The following CHSY3 variants were observed in gnomAD, a reference collection of about 807,000 sequenced individuals.
CHSY3 encodes the protein N-acetylgalactosaminyl-proteoglycan 3-beta-glucuronosyltransferase 3.
CHSY3 carries 35 observed loss-of-function variants against 67.2 expected under a neutral mutation model. The observed-to-expected ratio is 0.52, with a 90% confidence interval of 0.40 to 0.69. The LOEUF is 0.69. Among genes scored for constraint, CHSY3 ranks in the 30% least tolerant of loss-of-function variants. CHSY3 has a pLI of 0.00. For missense variants in CHSY3, 1,069 were observed against 1,138.5 expected (o/e 0.94, Z 0.88); for synonymous variants, 474 against 434.7 (o/e 1.09, Z -1.12).
intron 2 of CHSY3, among the ~76,000 whole-genome samples, chr5:130,160,406 C>T (rs1769496310): frequency 6.6e-6 from 1 of 152,168 alleles, no homozygotes; most frequent in Non-Finnish European, 1.5e-5. Context: ...CTATCAAAGG[C>T]CCATTCATTT....
At chr5:130,042,971 A>G (rs1481729473) in intron 2 of CHSY3, among the ~76,000 whole-genome samples, 1 of 152,152 alleles carries the variant, frequency 6.6e-6, no homozygotes, top group Non-Finnish European at 1.5e-5. Flanking sequence ...AAGTTGGGTC[A>G]TAGGCAGTTA....
At chr5:130,146,033 C>T (rs1326408437) in intron 2 of CHSY3, among the ~76,000 whole-genome samples, 1 of 152,106 alleles carries the variant, frequency 6.6e-6, no homozygotes, top group Non-Finnish European at 1.5e-5. Flanking sequence ...TTATGGATAA[C>T]AGTATGGAGA....
chr5:129,980,050 T>TA (rs1247357489), intron 2 of CHSY3, among the ~76,000 whole-genome samples: 1 of 152,250 alleles, frequency 6.6e-6, no homozygotes, highest in Non-Finnish European at 1.5e-5. Flanking sequence ...AAAGCTGCTG[T>TA]AATCATCATT....
chr5:130,097,196 C>T (rs1474928229), intron 2 of CHSY3, among the ~76,000 whole-genome samples: 1 of 152,198 alleles, frequency 6.6e-6, no homozygotes, highest in Non-Finnish European at 1.5e-5. Flanking sequence ...ATCGCCCCTC[C>T]AGGGCCCCTA....
chr5:129,970,428 AGATAGAT>A (rs1762606730), intron 2 of CHSY3, among the ~76,000 whole-genome samples: 1 of 151,528 alleles, frequency 6.6e-6, no homozygotes, highest in South Asian at 2.1e-4. Context: ...ATAGATAGAT[AGATAGAT>A]AGATAGATAG....
At chr5:130,036,965 AAAG>A (rs1364720436) in intron 2 of CHSY3, among the ~76,000 whole-genome samples, 1 of 152,148 alleles carries the variant, frequency 6.6e-6, no homozygotes. Context: ...AAAGATACTA[AAAG>A]AAGAAACAGA....
At chr5:130,000,200 T>C (rs1177011650) in intron 2 of CHSY3, among the ~76,000 whole-genome samples, 1 of 152,246 alleles carries the variant, frequency 6.6e-6, no homozygotes, top group Non-Finnish European at 1.5e-5. Flanking sequence ...GATAGGGACA[T>C]GCTAAGCATG....
intron 2 of CHSY3, among the ~76,000 whole-genome samples, chr5:130,063,825 CT>C (rs1765791299): frequency 6.6e-6 from 1 of 152,050 alleles, no homozygotes; most frequent in African/African-American, 2.4e-5. Context: ...TGTGGAGCCT[CT>C]TTTATCTGGG....
intron 2 of CHSY3, among the ~76,000 whole-genome samples, chr5:129,936,857 A>T (rs1761509579): frequency 6.6e-6 from 1 of 152,078 alleles, no homozygotes; most frequent in Non-Finnish European, 1.5e-5. Flanking sequence ...TCCCTTTGGC[A>T]TTCCTTATAC....
At chr5:129,983,619 C>A (rs1020307225) in intron 2 of CHSY3, among the ~76,000 whole-genome samples, 2 of 152,020 alleles carry the variant, frequency 1.3e-5, no homozygotes, top group Admixed American at 1.3e-4. Context: ...TATGGAGCAC[C>A]AACTACATGG....
Position 130,100,417 on chromosome 5 carries a change from G to T in CHSY3, c.1087-83812G>T, listed in dbSNP as rs185256634. ...TCACCGTGTTAGCCAGGATGGTCTCGATCTCCTGACCTTGTGATCCGCCCG... is the reference window on the plus strand; with the variant it reads ...TCACCGTGTTAGCCAGGATGGTCTCTATCTCCTGACCTTGTGATCCGCCCG... On this transcript the variant is annotated intron_variant, in intron 2 of 2. Coordinates refer to ENST00000305031, the MANE Select transcript of CHSY3 (RefSeq NM_175856.5). Among the ~76,000 whole-genome samples the T allele has an allele frequency of 1.8e-3, 264 of 149,404 alleles. 2 individuals carry two copies. The highest frequency in any genetic ancestry group is 6.3e-3 in the African/African-American group (257 of 40,548).
chr5:130,088,971 C>A (rs1426437309), intron 2 of CHSY3, among the ~76,000 whole-genome samples: 1 of 152,014 alleles, frequency 6.6e-6, no homozygotes, highest in East Asian at 2.0e-4. Flanking sequence ...TGGAACCAAG[C>A]CAAATGTCCA....
intron 2 of CHSY3, among the ~76,000 whole-genome samples, chr5:130,122,037 C>T (rs1361542165): frequency 6.6e-6 from 1 of 152,172 alleles, no homozygotes; most frequent in East Asian, 1.9e-4. Flanking sequence ...TGAGTGAGTA[C>T]ACTGAATTAG....
intron 2 of CHSY3, among the ~76,000 whole-genome samples, chr5:129,941,184 C>T (rs986776398): frequency 2.0e-5 from 3 of 152,062 alleles, no homozygotes; most frequent in Non-Finnish European, 4.4e-5. Flanking sequence ...GGCTGGGTGA[C>T]AGAGAAAGAT....
intron 2 of CHSY3, among the ~76,000 whole-genome samples, chr5:129,923,055 G>A (rs1458182230): frequency 1.3e-5 from 2 of 152,170 alleles, no homozygotes; most frequent in East Asian, 3.9e-4. Flanking sequence ...TGTTCTTAGA[G>A]ATTGTGACAA....
intron 2 of CHSY3, among the ~76,000 whole-genome samples, chr5:130,056,451 T>A (rs1765534416): frequency 6.6e-6 from 1 of 152,192 alleles, no homozygotes; most frequent in South Asian, 2.1e-4. Context: ...GGCTGTTAAA[T>A]ATAGTCGTGA....
intron 2 of CHSY3, among the ~76,000 whole-genome samples, chr5:130,168,057 C>A (rs1395360269): frequency 6.6e-6 from 1 of 152,048 alleles, no homozygotes; most frequent in Non-Finnish European, 1.5e-5. Flanking sequence ...TGAAGAGGTT[C>A]TTTTTTCTTT....
intron 2 of CHSY3, among the ~76,000 whole-genome samples, chr5:130,137,197 C>A (rs1768692401): frequency 6.6e-6 from 1 of 152,170 alleles, no homozygotes; most frequent in African/African-American, 2.4e-5. Flanking sequence ...GTTCTGTTTG[C>A]ACATCTCCGG....
At chr5:130,170,778 A>G (rs981000148) in intron 2 of CHSY3, among the ~76,000 whole-genome samples, 2 of 150,344 alleles carry the variant, frequency 1.3e-5, no homozygotes, top group Admixed American at 6.6e-5. Flanking sequence ...GGCTGTTTGT[A>G]TTTCTTCTTT....
Sources: allele counts gnomAD v4.1 joint callset (sites outside exome capture counted in the v4.1 genomes callset), GRCh38; gene constraint gnomAD v4.1.1; transcripts MANE v1.5; gene names NCBI Gene and HGNC (gene_info 2026-07-23, HGNC 2026-07-21).